SFMBT2: variants seen among roughly 807,000 people sequenced by gnomAD.
The protein encoded by SFMBT2 is Scm like with four mbt domains 2.
In SFMBT2, 38 loss-of-function variants were observed where a neutral mutation model predicts 110.1. The ratio of observed to expected loss-of-function variants is 0.35; its 90% CI spans 0.27 to 0.45. SFMBT2 has a LOEUF of 0.45. Among genes scored for constraint, SFMBT2 ranks in the 20% least tolerant of loss-of-function variants. The probability of loss-of-function intolerance (pLI) is 1.00; values close to 1 mark genes in which losing one functional copy is unlikely to be tolerated. For missense variants in SFMBT2, 1,011 were observed against 1,094.9 expected (o/e 0.92, Z 1.08); for synonymous variants, 425 against 425.4 (o/e 1.00, Z 0.01).
intron 14 of SFMBT2, chr10:7,198,313 G>T: frequency 4.8e-6 from 1 of 210,132 alleles, no homozygotes; most frequent in Non-Finnish European, 8.3e-6. Flanking sequence ...CTTACTGCTG[G>T]ATATTTAGTT....
Position 7,159,061 on chromosome 10 carries a change from C to T in SFMBT2, c.*4709G>A, listed in dbSNP as rs1381439692. 1 of 152,086 alleles carries T rather than the reference C, an allele frequency of 6.6e-6. No homozygotes were observed. Among genetic ancestry groups the T allele is most frequent in the Non-Finnish European group, 1.5e-5 (1 of 68,020 alleles). The allele number at this position is 152,086 out of a possible 1,614,324, so 9.4% of individuals were successfully genotyped here. A position where few individuals can be genotyped will look rare whatever the true frequency, so the allele number is the denominator to read the frequency against. On this transcript the variant is annotated 3_prime_UTR_variant, in exon 21 of 21. Coordinates refer to ENST00000397167, the MANE Select transcript of SFMBT2 (RefSeq NM_001387889.1). ...TCATCCTAAGGTGATTTTTAGCCAA[C>T]GATTGTCCTAGAATTTTCCTTTTTT...
chr10:7,315,020 G>GAAAGAAAGAAAGAAA (rs1564435267), intron 4 of SFMBT2, among the ~76,000 whole-genome samples: 1 of 122,404 alleles, frequency 8.2e-6, no homozygotes, highest in South Asian at 2.6e-4. Flanking sequence ...AGAAAGAAAA[G>GAAAGAAAGAAAGAAA]AGAGAGAAAG....
intron 4 of SFMBT2, among the ~76,000 whole-genome samples, chr10:7,346,058 C>A (rs971322388): frequency 1.3e-5 from 2 of 152,300 alleles, no homozygotes; most frequent in Non-Finnish European, 2.9e-5. Context: ...CCTCACCCCC[C>A]CGAAATTCCC....
At chr10:7,187,152 T>C (rs1483915647) in intron 16 of SFMBT2, among the ~76,000 whole-genome samples, 1 of 152,236 alleles carries the variant, frequency 6.6e-6, no homozygotes, top group Non-Finnish European at 1.5e-5. Context: ...CTGGCTTATT[T>C]AGAGGCAGGG....
At chr10:7,338,165 C>T (rs1843774440) in intron 4 of SFMBT2, among the ~76,000 whole-genome samples, 3 of 152,190 alleles carry the variant, frequency 2.0e-5, no homozygotes, top group Admixed American at 1.3e-4. Context: ...CTGGGCTAAC[C>T]AGTGAGGAAA....
At chr10:7,340,319 G>A (rs890512975) in intron 4 of SFMBT2, among the ~76,000 whole-genome samples, 4 of 152,122 alleles carry the variant, frequency 2.6e-5, no homozygotes, top group African/African-American at 9.7e-5. Context: ...AGTTGGTCTT[G>A]CTGTCTCGTG....
rs762531283 is a variant in SFMBT2 at position 7,202,465 on chromosome 10, G to GA, written c.1487+14dup. On this transcript the variant is annotated intron_variant, in intron 13 of 20. Transcript: ENST00000397167. ...TCGGTATACAGTGTAGTCTGGAGGG[G>GA]AAAAAAGCACGTACTGTTTCTCTGG... 2.5e-6 allele frequency: 4 copies of GA among 1,613,932 alleles called. No individual in the cohort carries two copies. The highest frequency in any genetic ancestry group is 3.4e-6 in the Non-Finnish European group (4 of 1,179,972).
intron 12 of SFMBT2, 143 bp from the exon 13 acceptor site, chr10:7,202,665 T>C: frequency 1.3e-6 from 2 of 1,525,794 alleles, no homozygotes; most frequent in Non-Finnish European, 1.8e-6. Flanking sequence ...CATGCCACAA[T>C]TTCCTATCAG....
chr10:7,233,245 G>T (rs976282170), intron 9 of SFMBT2, among the ~76,000 whole-genome samples: 1 of 152,206 alleles, frequency 6.6e-6, no homozygotes, highest in African/African-American at 2.4e-5. Flanking sequence ...TGTTTGTGGT[G>T]GGAGTGGAAC....
intron 4 of SFMBT2, among the ~76,000 whole-genome samples, chr10:7,366,973 G>A (rs147916411): frequency 2.6e-5 from 4 of 152,114 alleles, no homozygotes; most frequent in Non-Finnish European, 5.9e-5. Context: ...GAGAATAGTG[G>A]CTTTGTAGCA....
chr10:7,282,396 T>C (rs1243636414), intron 6 of SFMBT2, among the ~76,000 whole-genome samples: 1 of 152,232 alleles, frequency 6.6e-6, no homozygotes, highest in Non-Finnish European at 1.5e-5. Flanking sequence ...GGCAAGTAGA[T>C]ATTGCTCCTA....
chr10:7,201,748 T>C (rs1249856100), intron 13 of SFMBT2, among the ~76,000 whole-genome samples: 2 of 152,248 alleles, frequency 1.3e-5, no homozygotes, highest in South Asian at 2.1e-4. Flanking sequence ...CAAATGTTAC[T>C]AGCAGTCACA....
chr10:7,243,855 A>G (rs1411981262), intron 8 of SFMBT2, 150 bp from the exon 9 acceptor site: 1 of 627,370 alleles, frequency 1.6e-6, no homozygotes, highest in Non-Finnish European at 2.7e-6. Context: ...GTCCATTACT[A>G]AATTAATTCA....
At chr10:7,305,020 T>C (rs543127637) in intron 4 of SFMBT2, among the ~76,000 whole-genome samples, 66 of 152,350 alleles carry the variant, frequency 4.3e-4, no homozygotes, top group African/African-American at 1.5e-3. Context: ...CATCAGCTCC[T>C]AGCTCAGAGT....
At chr10:7,290,127 G>A (rs936217874) in intron 4 of SFMBT2, among the ~76,000 whole-genome samples, 2 of 152,006 alleles carry the variant, frequency 1.3e-5, no homozygotes, top group Admixed American at 6.6e-5. Flanking sequence ...AAAGATGAAC[G>A]CTACGACAGG....
At chr10:7,280,021 AG>A (rs1841904983) in intron 6 of SFMBT2, among the ~76,000 whole-genome samples, 1 of 152,196 alleles carries the variant, frequency 6.6e-6, no homozygotes, top group Non-Finnish European at 1.5e-5. Context: ...AGATGATTAG[AG>A]TTAGATGGAG....
At chr10:7,242,254 C>G (rs1488029154) in intron 9 of SFMBT2, among the ~76,000 whole-genome samples, 1 of 152,154 alleles carries the variant, frequency 6.6e-6, no homozygotes, top group Non-Finnish European at 1.5e-5. Context: ...ACAGGTGTCT[C>G]CACTGGACAG....
chr10:7,370,502 G>A, intron 2 of SFMBT2, 127 bp from the exon 3 acceptor site: 1 of 800,114 alleles, frequency 1.2e-6, no homozygotes, highest in South Asian at 1.7e-5. Flanking sequence ...GAAGGATATT[G>A]CTGAATTTTT....
intron 9 of SFMBT2, chr10:7,228,391 C>A (rs76542810): frequency 0.014 from 6,915 of 490,576 alleles, 15 homozygotes; most frequent in South Asian, 0.038. Flanking sequence ...AAAAAAAAAA[C>A]AAAACAGTAC....
Sources: gnomAD v4.1 joint callset for allele counts (sites outside exome capture counted in the v4.1 genomes callset) on GRCh38, gnomAD v4.1.1 for gene constraint, MANE v1.5 for transcripts, NCBI Gene and HGNC (gene_info 2026-07-23, HGNC 2026-07-21) for gene names.